RNF128: variants seen among roughly 807,000 people sequenced by gnomAD.
The protein encoded by RNF128 is ring finger protein 128, also known as E3 ubiquitin-protein ligase RNF128.
Under a neutral mutation model 26.2 loss-of-function variants are expected in RNF128, and 13 were observed. That is an observed-to-expected ratio of 0.50 (90% CI 0.32 to 0.79). The LOEUF (loss-of-function observed/expected upper bound fraction) is 0.79. Ranked by LOEUF, RNF128 falls within the 30% of genes least tolerant of loss-of-function variation. The pLI is 0.03. For missense variants in RNF128, 315 were observed against 349.7 expected (o/e 0.90, Z 0.79); for synonymous variants, 149 against 142.5 (o/e 1.05, Z -0.32).
At chrX:106,775,579 A>G (rs1930451470) in intron 2 of RNF128, among the ~76,000 whole-genome samples, 1 of 111,813 alleles carries the variant, frequency 8.9e-6, no homozygotes, top group Admixed American at 9.6e-5. Context: ...TTAATGGACT[A>G]TATCTGTTTA....
At chrX:106,725,481 T>G (rs978947705), upstream of RNF128, among the ~76,000 whole-genome samples, 2 of 111,928 alleles carry the variant, frequency 1.8e-5, no homozygotes, top group Non-Finnish European at 3.8e-5. Flanking sequence ...TTAACAAATG[T>G]TGAGCTGCAT....
At chrX:106,712,205 C>A (rs981900497) in intron 1 of RNF128, among the ~76,000 whole-genome samples, 6 of 111,734 alleles carry the variant, frequency 5.4e-5, no homozygotes, top group Non-Finnish European at 1.1e-4. Flanking sequence ...CATTTCAAAG[C>A]CAACTTCGAG....
At chrX:106,713,435 A>AGGT (rs1316463208) in intron 1 of RNF128, among the ~76,000 whole-genome samples, 1 of 110,393 alleles carries the variant, frequency 9.1e-6, no homozygotes, top group Non-Finnish European at 1.9e-5. Context: ...TGAGCCCATG[A>AGGT]GGTGGAGGTT....
Position 106,796,842 on chromosome X carries a change from A to C in RNF128, c.*1129A>C, listed in dbSNP as rs1930927964. Reference sequence around the variant, plus strand: ...AGAATTTTGTTCAAATTATAGCAGAATTTAGGCAAAAATAAAACAGACATG... The same window carrying C: ...AGAATTTTGTTCAAATTATAGCAGACTTTAGGCAAAAATAAAACAGACATG... On this transcript the variant is annotated 3_prime_UTR_variant, in exon 7 of 7. Coordinates refer to ENST00000255499, the MANE Select transcript of RNF128 (RefSeq NM_194463.2). 8.9e-6 allele frequency: 1 copy of C among 112,059 alleles called. No individual in the cohort carries two copies. Among genetic ancestry groups the C allele is most frequent in the Admixed American group, 9.6e-5 (1 of 10,467 alleles). 9.2% of individuals were successfully genotyped at this position (112,059 alleles called of 1,213,427 possible).
chrX:106,715,832 G>C (rs925736811), intron 1 of RNF128, among the ~76,000 whole-genome samples: 1 of 111,381 alleles, frequency 9.0e-6, no homozygotes. Flanking sequence ...CTACAGTTCA[G>C]GCAGGGCAAC....
chrX:106,714,332 A>C lies in RNF128; in HGVS notation c.406+19924A>C, dbSNP rs190907071. ...AATAATTTCCTAAAGTTGAATTCAA[A>C]TAATGCATTATACAATTCTACAATC... On this transcript the variant is annotated intron_variant, in intron 1 of 6. Transcript: ENST00000324342. Among the ~76,000 whole-genome samples the C allele has an allele frequency of 4.2e-3, 469 of 111,717 alleles. 3 individuals are homozygous for C. Among genetic ancestry groups the C allele is most frequent in the African/African-American group, 0.014 (439 of 30,827 alleles).
chrX:106,752,078 A>G (rs1430817734), intron 1 of RNF128, among the ~76,000 whole-genome samples: 1 of 110,339 alleles, frequency 9.1e-6, no homozygotes, highest in East Asian at 2.9e-4. Flanking sequence ...TCCTGACTCC[A>G]GACCCTACCT....
intron 1 of RNF128, among the ~76,000 whole-genome samples, chrX:106,733,505 A>G (rs940404568): frequency 5.4e-5 from 6 of 111,531 alleles, no homozygotes; most frequent in Admixed American, 4.8e-4. Context: ...TAAAATACCC[A>G]TAATTCTACA....
intron 1 of RNF128, among the ~76,000 whole-genome samples, chrX:106,699,135 C>T (rs1928914969): frequency 8.9e-6 from 1 of 112,163 alleles, no homozygotes; most frequent in Non-Finnish European, 1.9e-5. Context: ...ACTGCAATAG[C>T]TTCTTAAGTG....
At chrX:106,716,792 A>G (rs1929223877) in intron 1 of RNF128, among the ~76,000 whole-genome samples, 1 of 111,783 alleles carries the variant, frequency 8.9e-6, no homozygotes, top group African/African-American at 3.2e-5. Context: ...GTAAGTAAAT[A>G]AATGCAATAT....
chrX:106,754,847 C>G (rs1425644595), intron 1 of RNF128, among the ~76,000 whole-genome samples: 1 of 110,434 alleles, frequency 9.1e-6, no homozygotes, highest in Non-Finnish European at 1.9e-5. Flanking sequence ...AGAAAACCTT[C>G]AAATTAACAA....
chrX:106,773,914 C>T (rs1364963044), intron 2 of RNF128, among the ~76,000 whole-genome samples: 3 of 111,427 alleles, frequency 2.7e-5, no homozygotes, highest in Non-Finnish European at 5.7e-5. Context: ...CCCATGCATA[C>T]ATCTTCAGTT....
At chrX:106,755,677 T>A (rs1490446181) in intron 1 of RNF128, among the ~76,000 whole-genome samples, 1 of 111,855 alleles carries the variant, frequency 8.9e-6, no homozygotes, top group Non-Finnish European at 1.9e-5. Flanking sequence ...TTCCAATTGA[T>A]GCTGAAAATC....
At chrX:106,786,790 G>C (rs1378385011) in intron 3 of RNF128, among the ~76,000 whole-genome samples, 1 of 110,508 alleles carries the variant, frequency 9.0e-6, no homozygotes, top group Non-Finnish European at 1.9e-5. Flanking sequence ...AAACTGGCAA[G>C]CAAAACAGAC....
chrX:106,699,782 C>G (rs757933869), intron 1 of RNF128, among the ~76,000 whole-genome samples: 2 of 111,419 alleles, frequency 1.8e-5, no homozygotes, highest in Non-Finnish European at 3.8e-5. Flanking sequence ...CTCTGATCTT[C>G]GGACATTTTC....
intron 2 of RNF128, among the ~76,000 whole-genome samples, chrX:106,779,259 A>G (rs1474889274): frequency 9.0e-6 from 1 of 111,025 alleles, no homozygotes; most frequent in Non-Finnish European, 1.9e-5. Flanking sequence ...AAATTTGTAT[A>G]TATTCAAGGT....
chrX:106,784,499 C>T (rs773932531), intron 2 of RNF128, among the ~76,000 whole-genome samples: 20 of 111,919 alleles, frequency 1.8e-4, no homozygotes, highest in African/African-American at 6.2e-4. Context: ...ATTAAGCAAT[C>T]GTGGTTATAA....
chrX:106,725,816 T>C (rs1033644161), upstream of RNF128, among the ~76,000 whole-genome samples: 4 of 112,743 alleles, frequency 3.5e-5, no homozygotes, highest in Admixed American at 9.3e-5. Flanking sequence ...AGCAGGTATA[T>C]TAATTCAGCT....
intron 1 of RNF128, among the ~76,000 whole-genome samples, chrX:106,768,197 C>G (rs1169549657): frequency 9.0e-6 from 1 of 111,513 alleles, no homozygotes. Context: ...TTCTCTCTGC[C>G]AGGCTTTGGT....
Sources: gnomAD v4.1 joint callset for allele counts (sites outside exome capture counted in the v4.1 genomes callset) on GRCh38, gnomAD v4.1.1 for gene constraint, MANE v1.5 for transcripts, NCBI Gene and HGNC (gene_info 2026-07-23, HGNC 2026-07-21) for gene names.